FAAH2: variants seen among roughly 807,000 people sequenced by gnomAD.
FAAH2 encodes fatty acid amide hydrolase 2.
A neutral mutation model predicts 36.9 loss-of-function variants in FAAH2; 60 were observed. That is an observed-to-expected ratio of 1.63 (90% CI 1.32 to 2.02). The LOEUF (loss-of-function observed/expected upper bound fraction) is 2.02, where lower values mean the gene tolerates loss of function less well. Among genes scored for constraint, FAAH2 ranks in the 30% most tolerant of loss-of-function variants. The pLI is 0.00. For synonymous variants in FAAH2, 214 were observed against 143.8 expected (o/e 1.49, Z -3.49); for missense variants, 689 against 397.5 (o/e 1.73, Z -6.23).
chrX:57,428,798 G>A (rs2056223662), intron 7 of FAAH2, among the ~76,000 whole-genome samples: 1 of 111,693 alleles, frequency 9.0e-6, no homozygotes, highest in South Asian at 3.8e-4. Flanking sequence ...GAAGAAAACA[G>A]GGAAAACTAT....
intron 5 of FAAH2, among the ~76,000 whole-genome samples, chrX:57,375,185 T>C (rs1405651220): frequency 1.8e-5 from 2 of 109,641 alleles, no homozygotes; most frequent in East Asian, 5.7e-4. Flanking sequence ...AGTTGTTTTT[T>C]TGTTGATGTT....
the FAAH2 span, among the ~76,000 whole-genome samples, chrX:57,157,926 GC>G: frequency 9.1e-6 from 1 of 110,187 alleles, no homozygotes; most frequent in Non-Finnish European, 1.9e-5. Flanking sequence ...TTATACAAGT[GC>G]CATGTTGGTG....
At chrX:57,379,304 G>C (rs999867003) in intron 6 of FAAH2, among the ~76,000 whole-genome samples, 1 of 110,956 alleles carries the variant, frequency 9.0e-6, no homozygotes, top group African/African-American at 3.3e-5. Context: ...ATAAAAAAAT[G>C]CAATCTATAT....
chrX:57,159,841 G>A, the FAAH2 span, among the ~76,000 whole-genome samples: 1 of 111,394 alleles, frequency 9.0e-6, no homozygotes, highest in Non-Finnish European at 1.9e-5. Flanking sequence ...TCCTTCTCCT[G>A]CCTCATTGTT....
chrX:57,190,444 GAA>G, the FAAH2 span, among the ~76,000 whole-genome samples: 21 of 68,945 alleles, frequency 3.0e-4, no homozygotes, highest in African/African-American at 1.0e-3. Flanking sequence ...CACTGTGGTA[GAA>G]AAAAAAAAAA....
intron 7 of FAAH2, among the ~76,000 whole-genome samples, 159 bp downstream of exon 7, chrX:57,381,188 G>A (rs2054838459): frequency 9.0e-6 from 1 of 111,367 alleles, no homozygotes; most frequent in African/African-American, 3.3e-5. Context: ...ATTTTTCATG[G>A]TTATTTTAGA....
At chrX:57,287,770 A>C (rs911289934) in intron 1 of FAAH2, among the ~76,000 whole-genome samples, 5 of 110,970 alleles carry the variant, frequency 4.5e-5, no homozygotes, top group African/African-American at 1.6e-4. Context: ...GTTTATTTAT[A>C]CTCTGCTTGT....
chrX:57,176,193 C>T, the FAAH2 span, among the ~76,000 whole-genome samples: 1 of 111,453 alleles, frequency 9.0e-6, no homozygotes, highest in Admixed American at 9.6e-5. Flanking sequence ...CTTTTCTTCT[C>T]CCTCAAGAAC....
At chrX:57,323,947 T>A (rs1274094965) in intron 3 of FAAH2, among the ~76,000 whole-genome samples, 10 of 111,276 alleles carry the variant, frequency 9.0e-5, no homozygotes, top group Admixed American at 2.9e-4. Flanking sequence ...TTGCCTAGGT[T>A]TTCTTCTAGG....
chrX:57,188,031 A>T, the FAAH2 span, among the ~76,000 whole-genome samples: 1 of 111,072 alleles, frequency 9.0e-6, no homozygotes, highest in Non-Finnish European at 1.9e-5. Flanking sequence ...TTCCTTTTTT[A>T]TTGTGTCTCT....
chrX:57,432,314 T>C (rs1263476968), intron 8 of FAAH2, among the ~76,000 whole-genome samples: 2 of 111,072 alleles, frequency 1.8e-5, no homozygotes, highest in Non-Finnish European at 3.8e-5. Flanking sequence ...TTGGAAACCT[T>C]AACCAGGTAG....
At chrX:57,287,081 T>A in intron 1 of FAAH2, 64 bp downstream of exon 1, 1 of 1,045,067 alleles carries the variant, frequency 9.6e-7, no homozygotes, top group African/African-American at 1.9e-5. Flanking sequence ...GGAAGCTTAG[T>A]GGTGGCGGTG....
the FAAH2 span, among the ~76,000 whole-genome samples, chrX:57,149,487 AGG>A: frequency 9.0e-6 from 1 of 111,212 alleles, no homozygotes; most frequent in African/African-American, 3.3e-5. Context: ...TAGTCTTGGG[AGG>A]GTGTATGTGT....
At chrX:57,226,020 T>C in the FAAH2 span, among the ~76,000 whole-genome samples, 1 of 112,294 alleles carries the variant, frequency 8.9e-6, no homozygotes, top group Admixed American at 9.4e-5. Flanking sequence ...ACTTTAAGTT[T>C]ATGTGAGTCT....
chrX:57,330,274 G>A (rs906107788), intron 3 of FAAH2, among the ~76,000 whole-genome samples: 8 of 111,702 alleles, frequency 7.2e-5, no homozygotes, highest in Middle Eastern at 4.6e-3. Context: ...TGCGCCCCAA[G>A]GGTGGGTCTC....
chrX:57,379,117 C>G (rs2054767227), intron 6 of FAAH2, among the ~76,000 whole-genome samples: 1 of 111,694 alleles, frequency 9.0e-6, no homozygotes, highest in Non-Finnish European at 1.9e-5. Flanking sequence ...CATCTGTCAC[C>G]ATATACATAC....
At chrX:57,277,375 G>T in the FAAH2 span, among the ~76,000 whole-genome samples, 1 of 111,211 alleles carries the variant, frequency 9.0e-6, no homozygotes, top group Non-Finnish European at 1.9e-5. Flanking sequence ...AAATTCAACA[G>T]CCTTCATGCT....
the FAAH2 span, among the ~76,000 whole-genome samples, chrX:57,253,796 C>A: frequency 9.0e-6 from 1 of 111,424 alleles, no homozygotes; most frequent in African/African-American, 3.3e-5. Flanking sequence ...AAAGGAGCAA[C>A]CCATACCAGC....
chrX:57,378,829 A>C (rs905602333), intron 6 of FAAH2, 43 bp downstream of exon 6: 1 of 1,158,505 alleles, frequency 8.6e-7, no homozygotes, highest in Admixed American at 2.6e-5. Context: ...TTATCCTGAC[A>C]TTCATTCTCT....
Sources: gnomAD v4.1 joint callset for allele counts (sites outside exome capture counted in the v4.1 genomes callset) on GRCh38, gnomAD v4.1.1 for gene constraint, MANE v1.5 for transcripts, NCBI Gene and HGNC (gene_info 2026-07-23, HGNC 2026-07-21) for gene names.